MTOR: variants seen among roughly 807,000 people sequenced by gnomAD.
MTOR encodes the protein serine/threonine-protein kinase mTOR.
MTOR carries 70 observed loss-of-function variants against 319.8 expected under a neutral mutation model. That is an observed-to-expected ratio of 0.22 (90% CI 0.18 to 0.27). The LOEUF (loss-of-function observed/expected upper bound fraction) is 0.27, where lower values mean the gene tolerates loss of function less well. Ranked by LOEUF, MTOR falls within the 10% of genes least tolerant of loss-of-function variation. The pLI is 1.00. For synonymous variants in MTOR, 1,183 were observed against 1,211.4 expected (o/e 0.98, Z 0.49); for missense variants, 1,890 against 3,274.4 (o/e 0.58, Z 10.32).
rs185164652 is a variant in MTOR at position 11,114,745 on chromosome 1, C to T, written c.7164+68G>A. The T allele has an allele frequency of 1.5e-4, 220 of 1,463,926 alleles. 1 individual carries two copies. In the African/African-American group the frequency reaches 2.8e-3, roughly 19 times the overall value. 90.7% of individuals were successfully genotyped at this position (1,463,926 alleles called of 1,614,324 possible). A position where few individuals can be genotyped will look rare whatever the true frequency, so the allele number is the denominator to read the frequency against. On this transcript the variant is annotated intron_variant, in intron 52 of 57. Coordinates refer to ENST00000361445, the MANE Select transcript of MTOR (RefSeq NM_004958.4). Reference sequence around the variant, plus strand: ...TGGAGAACTGATGGGCTCTAACAAGCGTGTTCTCAGAAGGCTGTAACTGTC... The same window carrying T: ...TGGAGAACTGATGGGCTCTAACAAGTGTGTTCTCAGAAGGCTGTAACTGTC...
chr1:11,172,738 G>A (rs1249636166), intron 28 of MTOR, among the ~76,000 whole-genome samples: 2 of 151,538 alleles, frequency 1.3e-5, no homozygotes, highest in African/African-American at 2.4e-5. Flanking sequence ...GCGTGGTGGC[G>A]AACGCCTGTA....
intron 28 of MTOR, among the ~76,000 whole-genome samples, chr1:11,183,479 T>C (rs1013144052): frequency 6.6e-6 from 1 of 152,140 alleles, no homozygotes; most frequent in East Asian, 1.9e-4. Flanking sequence ...TCCTTATTGT[T>C]TGATAAGAGT....
chr1:11,166,119 G>A (rs1265915202), intron 29 of MTOR, among the ~76,000 whole-genome samples: 17 of 152,100 alleles, frequency 1.1e-4, no homozygotes, highest in Admixed American at 2.6e-4. Context: ...ACTTAACAAC[G>A]TTAGACCTAA....
Position 11,129,988 on chromosome 1 carries a change from G to C in MTOR, c.5614-150C>G, listed in dbSNP as rs908020749. The C allele has an allele frequency of 3.0e-6, 2 of 658,894 alleles. No homozygotes were observed. Among genetic ancestry groups the C allele is most frequent in the Non-Finnish European group, 5.4e-6 (2 of 372,734 alleles). The allele number at this position is 658,894 out of a possible 1,614,324, so 40.8% of individuals were successfully genotyped here. On this transcript the variant is annotated intron_variant, in intron 39 of 57. Coordinates refer to ENST00000361445, the MANE Select transcript of MTOR (RefSeq NM_004958.4). This position sits in a 1 kb window ranked among gnomAD's most constrained non-coding sequence, Gnocchi z 4.7. Reference sequence around the variant, plus strand: ...ATGAAAAATCTTTAATCATTACCTGGCACATAGCAAAGACTCAATAAATGG... The same window carrying C: ...ATGAAAAATCTTTAATCATTACCTGCCACATAGCAAAGACTCAATAAATGG...
chr1:11,111,819 T>C (rs1057260592), intron 54 of MTOR: 2 of 152,160 alleles, frequency 1.3e-5, no homozygotes, highest in Admixed American at 1.3e-4. Context: ...GTAGAAAAGA[T>C]ATACTTTTTT....
rs537201247 is a variant in MTOR at position 11,257,957 on chromosome 1, A to G, written c.271+528T>C. Reference sequence around the variant, plus strand: ...AAACCCTGTCTCTACTGAAAATACAAACATTAGCTGGGCATGGTGGCAGGT... The same window carrying G: ...AAACCCTGTCTCTACTGAAAATACAGACATTAGCTGGGCATGGTGGCAGGT... On this transcript the variant is annotated intron_variant, in intron 3 of 57. Transcript: ENST00000361445. Among the ~76,000 whole-genome samples, 6 of 152,112 alleles carry G rather than the reference A, an allele frequency of 3.9e-5. No homozygotes were observed. In the South Asian group the frequency reaches 1.2e-3, roughly 32 times the overall value.
chr1:11,222,028 C>T (rs1004232175), intron 19 of MTOR, among the ~76,000 whole-genome samples: 6 of 151,316 alleles, frequency 4.0e-5, no homozygotes, highest in Non-Finnish European at 5.9e-5. Flanking sequence ...AGGTGCCTGG[C>T]TCACCTCTGA....
chr1:11,154,704 C>A (rs1312208915), intron 30 of MTOR, among the ~76,000 whole-genome samples: 1 of 152,040 alleles, frequency 6.6e-6, no homozygotes, highest in Non-Finnish European at 1.5e-5. Context: ...AAAAAATTAG[C>A]CAGGCATGGT....
intron 19 of MTOR, among the ~76,000 whole-genome samples, chr1:11,225,590 T>G (rs551151007): frequency 9.4e-4 from 143 of 152,168 alleles, no homozygotes; most frequent in Non-Finnish European, 1.4e-3. Flanking sequence ...CCCGGCTAAT[T>G]TTTGTATTTT....
chr1:11,253,024 A>T (rs1370917061), intron 6 of MTOR, among the ~76,000 whole-genome samples: 1 of 152,180 alleles, frequency 6.6e-6, no homozygotes, highest in Admixed American at 6.5e-5. Flanking sequence ...AGGGATGCTA[A>T]GGCTATCCTG....
chr1:11,256,721 G>A (rs531832662), intron 4 of MTOR, among the ~76,000 whole-genome samples: 4 of 152,250 alleles, frequency 2.6e-5, no homozygotes, highest in Non-Finnish European at 4.4e-5. Context: ...CCGAAGGGCA[G>A]CAGACTGGAA....
rs1462286126 is a variant in MTOR, at chr1:11,127,154, A to G, written c.6217-10T>C. ...AATCTCGACCATAGGCCTGAGAGAG[A>G]AAGCAGGCACGTTTTCAAGTTATCA... On this transcript the variant is annotated splice_polypyrimidine_tract_variant and intron_variant, in intron 44 of 57. Coordinates refer to ENST00000361445, the MANE Select transcript of MTOR (RefSeq NM_004958.4). The surrounding 1 kb of genome is among the most constrained non-coding windows in gnomAD (Gnocchi z 5.5). The G allele has an allele frequency of 2.5e-6, 4 of 1,613,468 alleles. No homozygotes were observed.
intron 31 of MTOR, among the ~76,000 whole-genome samples, chr1:11,148,815 T>C (rs1557775374): frequency 6.6e-6 from 1 of 152,042 alleles, no homozygotes; most frequent in Non-Finnish European, 1.5e-5. Context: ...AGAGAATTGC[T>C]TGAACCCGGG....
At position 11,154,006 on chromosome 1, in the gene MTOR, T is replaced by C. The variant is rs1284185310; in HGVS notation, c.4469+3146A>G. ...ATCACTTGACCCTGGGAGGTGAAGG[T>C]TGCAGTGAGCCGAAATCACAGCACT... On this transcript the variant is annotated intron_variant, in intron 30 of 57. Coordinates refer to ENST00000361445, the MANE Select transcript of MTOR (RefSeq NM_004958.4). Among the ~76,000 whole-genome samples, 4 of 126,300 alleles carry C rather than the reference T, an allele frequency of 3.2e-5. No individual in the cohort carries two copies. The East Asian group carries it at 7.3e-4, about 23-fold the overall frequency. The allele number at this position is 126,300 out of a possible 152,430, so 82.9% of individuals were successfully genotyped here. A position where few individuals can be genotyped will look rare whatever the true frequency, so the allele number is the denominator to read the frequency against.
intron 46 of MTOR, among the ~76,000 whole-genome samples, chr1:11,126,039 C>T (rs1213992206): frequency 1.0e-5 from 1 of 99,954 alleles, no homozygotes; most frequent in Admixed American, 1.2e-4. Context: ...AAAACTCTGG[C>T]TCAAAAAAAA....
At chr1:11,174,889 C>T (rs1056336901) in intron 28 of MTOR, among the ~76,000 whole-genome samples, 1 of 152,108 alleles carries the variant, frequency 6.6e-6, no homozygotes, top group African/African-American at 2.4e-5. Flanking sequence ...TACGTAACAC[C>T]ACAAACCAGA....
At chr1:11,235,301 AC>A (rs1647164109) in intron 13 of MTOR, among the ~76,000 whole-genome samples, 1 of 152,072 alleles carries the variant, frequency 6.6e-6, no homozygotes, top group African/African-American at 2.4e-5. Context: ...ACCAATGCCC[AC>A]CCTGATGACC....
Position 11,142,820 on chromosome 1 carries a change from C to A in MTOR, c.4872+1828G>T, listed in dbSNP as rs190762043. 4.6e-5 allele frequency among the ~76,000 whole-genome samples: 7 copies of A among 152,316 alleles called. No homozygotes were observed. The East Asian group carries it at 1.4e-3, about 29-fold the overall frequency. On this transcript the variant is annotated intron_variant, in intron 34 of 57. Transcript: ENST00000361445. ...TAGAAGAGACCCAGCGCCAGTAAGG[C>A]TGACCTCTCTAACTGCCCTATGGGA...
intron 8 of MTOR, among the ~76,000 whole-genome samples, chr1:11,245,844 T>A: frequency 6.6e-6 from 1 of 152,104 alleles, no homozygotes; most frequent in East Asian, 1.9e-4. Context: ...CAGTAGGTCA[T>A]GGCTGCAGCG....
Sources: allele counts gnomAD v4.1 joint callset (sites outside exome capture counted in the v4.1 genomes callset), GRCh38; gene constraint gnomAD v4.1.1; non-coding constraint Gnocchi (gnomAD v3.1); transcripts MANE v1.5; gene names NCBI Gene and HGNC (gene_info 2026-07-23, HGNC 2026-07-21).